The following KIF27 variants were observed in gnomAD, a reference collection of about 807,000 sequenced individuals.
KIF27 encodes the protein kinesin family member 27, also known as kinesin-like protein KIF27.
A neutral mutation model predicts 141.8 loss-of-function variants in KIF27; 84 were observed. The ratio of observed to expected loss-of-function variants is 0.59; its 90% confidence interval spans 0.50 to 0.71. The LOEUF (loss-of-function observed/expected upper bound fraction) is 0.71. Among genes scored for constraint, KIF27 ranks in the 30% least tolerant of loss-of-function variants. KIF27 has a pLI of 0.00. For missense variants in KIF27, 1,306 were observed against 1,628.4 expected (o/e 0.80, Z 3.41); for synonymous variants, 471 against 569.5 (o/e 0.83, Z 2.46).
intron 17 of KIF27, among the ~76,000 whole-genome samples, chr9:83,841,756 A>T (rs1946596584): frequency 6.6e-6 from 1 of 152,202 alleles, no homozygotes; most frequent in Non-Finnish European, 1.5e-5. Flanking sequence ...AAATCTACAT[A>T]TCTACATATG....
Position 83,842,267 on chromosome 9 carries a change from C to G in KIF27, c.3691G>C (p.Ala1231Pro). 6.4e-7 allele frequency: 1 copy of G among 1,565,094 alleles called. No homozygotes were observed. Among genetic ancestry groups the G allele is most frequent in the Non-Finnish European group, 8.6e-7 (1 of 1,163,730 alleles). ...KKKLKELVGE[A>P]IRRQLAPSEY... ...GATGGTGCTAGTTGCCGCCGAATTG[C>G]TTCCCCTACCAGTTCCTTAAGTTTC... Residue 1231 changes from alanine (A) to proline (P), a missense_variant, in exon 17 of 18, where the codon GCA becomes CCA. Transcript: ENST00000297814.
chr9:83,889,186 A>G lies in KIF27; in HGVS notation c.1877T>C (p.Met626Thr), dbSNP rs544396672. 18 of 1,613,952 alleles carry G rather than the reference A, an allele frequency of 1.1e-5. No homozygotes were observed. The South Asian group carries it at 1.8e-4, about 16-fold the overall frequency. ...TTGTTCTTCTATGTGACCCAACAGC[A>G]TCTGACTTCGTGTTCGAAATCCAGC... ...IFAGFRTRSQ[M>T]LLGHIEEQDK... The change falls in exon 7 of 18, where the codon ATG becomes ACG. Residue 626 changes from methionine (M) to threonine (T), a missense_variant. Physicochemically the swap from Met to Thr is moderately conservative, Grantham distance 81. Transcript: ENST00000297814.
chr9:83,846,869 C>T (rs1332358024), intron 16 of KIF27, among the ~76,000 whole-genome samples: 2 of 152,132 alleles, frequency 1.3e-5, no homozygotes, highest in African/African-American at 4.8e-5. Context: ...CTCCACCTAC[C>T]GTTAAGTCAG....
At chr9:83,902,205 T>A (rs1482873017) in intron 4 of KIF27, among the ~76,000 whole-genome samples, 2 of 152,156 alleles carry the variant, frequency 1.3e-5, no homozygotes, top group African/African-American at 4.8e-5. Flanking sequence ...AGCTTAGAGC[T>A]TAAAAAAAAG....
chr9:83,860,576 A>G (rs573823432), intron 13 of KIF27, among the ~76,000 whole-genome samples: 1 of 152,326 alleles, frequency 6.6e-6, no homozygotes, highest in African/African-American at 2.4e-5. Flanking sequence ...TTTTGATACA[A>G]CTTTTTATTG....
intron 5 of KIF27, among the ~76,000 whole-genome samples, chr9:83,895,691 CTG>C (rs1953141878): frequency 6.6e-6 from 1 of 151,694 alleles, no homozygotes; most frequent in African/African-American, 2.4e-5. Flanking sequence ...AGAAATGAAA[CTG>C]TTACTATTTG....
chr9:83,905,391 T>C (rs1377419245), intron 3 of KIF27, among the ~76,000 whole-genome samples: 1 of 152,196 alleles, frequency 6.6e-6, no homozygotes, highest in Non-Finnish European at 1.5e-5. Flanking sequence ...GTGCTGGGAT[T>C]ACAGGCGTGA....
chr9:83,904,576 G>A (rs984349661), intron 3 of KIF27, among the ~76,000 whole-genome samples: 1 of 152,058 alleles, frequency 6.6e-6, no homozygotes, highest in African/African-American at 2.4e-5. Context: ...TCACCACGTT[G>A]GCCAGGCTGG....
In KIF27 at chr9:83,836,933, T is replaced by C; in HGVS notation, c.*68A>G. 1 of 1,548,606 alleles carries C rather than the reference T, an allele frequency of 6.5e-7. No homozygotes were observed. The highest frequency in any genetic ancestry group is 2.2e-5 in the East Asian group (1 of 44,498). On this transcript the variant is annotated 3_prime_UTR_variant, in exon 18 of 18. Transcript: ENST00000297814. ...GAGGAAAGAGGTAGTGAACTTGAGC[T>C]TTAGTTTTTAACAGGTTAGAAAAAG...
At chr9:83,856,107 A>G (rs1400427473) in intron 14 of KIF27, among the ~76,000 whole-genome samples, 1 of 152,154 alleles carries the variant, frequency 6.6e-6, no homozygotes, top group Non-Finnish European at 1.5e-5. Context: ...GCTTTATGAT[A>G]GAGCACTGCT....
rs2131400674 is a variant in KIF27 at position 83,835,634 on chromosome 9, A to C, written c.*1367T>G. The C allele has an allele frequency of 6.6e-6, 1 of 152,288 alleles. No individual in the cohort carries two copies. Among genetic ancestry groups the C allele is most frequent in the South Asian group, 2.1e-4 (1 of 4,826 alleles). The allele number at this position is 152,288 out of a possible 1,614,324, so 9.4% of individuals were successfully genotyped here. ...GAAAGGAAGCCTTAAGTCTTTGAGC[A>C]CAGGGTGACAGTTTGGGTCCTATGT... On this transcript the variant is annotated 3_prime_UTR_variant, in exon 18 of 18. Transcript: ENST00000297814.
At position 83,834,589 on chromosome 9, in the gene KIF27, G is replaced by T. The variant is rs1945597556; in HGVS notation, c.*2412C>A. Among the ~76,000 whole-genome samples, 1 of 151,946 alleles carries T rather than the reference G, an allele frequency of 6.6e-6. No individual in the cohort carries two copies. Among genetic ancestry groups the T allele is most frequent in the Non-Finnish European group, 1.5e-5 (1 of 67,902 alleles). ...ATGTGTATTTCCACAGGTAAAACAA[G>T]TATGTGTTAATTTCTTGAGCAAGTA... On this transcript the variant is annotated 3_prime_UTR_variant, in exon 18 of 18. Coordinates refer to ENST00000297814, the MANE Select transcript of KIF27 (RefSeq NM_017576.4).
chr9:83,839,769 A>G (rs1946344933), intron 17 of KIF27, among the ~76,000 whole-genome samples: 1 of 151,996 alleles, frequency 6.6e-6, no homozygotes, highest in South Asian at 2.1e-4. Flanking sequence ...CCTGGCCGAC[A>G]TGGTCTCTAC....
chr9:83,915,491 C>T lies in KIF27; in HGVS notation c.101G>A (p.Ser34Asn), dbSNP rs773990415. ...HQVCVRVIPN[S>N]QQVIIGRDRV... ...ATCTCTCCCAATGATAACTTGCTGGCTGTTTGGAATAACTCTCACACAAAC... is the reference window on the plus strand; with the variant it reads ...ATCTCTCCCAATGATAACTTGCTGGTTGTTTGGAATAACTCTCACACAAAC... The change falls in exon 2 of 18, where the codon AGC becomes AAC. Residue 34 changes from serine to asparagine, a missense_variant. Physicochemically the swap from Ser to Asn is conservative, Grantham distance 46. This residue lies in a region of KIF27 where 533 missense variants were observed against 565.6 expected (regional missense o/e 0.94). Transcript: ENST00000297814. 5.0e-6 allele frequency: 8 copies of T among 1,613,750 alleles called. No homozygotes were observed. In the African/African-American group the frequency reaches 5.3e-5, roughly 11 times the overall value.
chr9:83,897,164 A>G (rs1158395137), intron 5 of KIF27, among the ~76,000 whole-genome samples: 3 of 152,092 alleles, frequency 2.0e-5, no homozygotes, highest in Admixed American at 6.5e-5. Flanking sequence ...ACATCTGGGG[A>G]GTGGGGAGGG....
intron 16 of KIF27, among the ~76,000 whole-genome samples, chr9:83,846,726 G>A (rs1217771755): frequency 6.6e-6 from 1 of 152,148 alleles, no homozygotes; most frequent in Non-Finnish European, 1.5e-5. Context: ...CAACATTTTT[G>A]CTTCCTGTTC....
At chr9:83,908,412 G>T in intron 3 of KIF27, 40 bp downstream of exon 3, 1 of 1,235,186 alleles carries the variant, frequency 8.1e-7, no homozygotes, top group Non-Finnish European at 1.2e-6. Flanking sequence ...AAGCATGTCT[G>T]TTTGCTAATG....
intron 12 of KIF27, among the ~76,000 whole-genome samples, chr9:83,868,764 T>C (rs374834438): frequency 6.6e-6 from 1 of 152,050 alleles, no homozygotes; most frequent in Non-Finnish European, 1.5e-5. Flanking sequence ...ACAGTGAATA[T>C]ATATGAGAAA....
At chr9:83,844,294 T>TTA (rs1213458042) in intron 16 of KIF27, among the ~76,000 whole-genome samples, 8 of 79,766 alleles carry the variant, frequency 1.0e-4, no homozygotes, top group African/African-American at 6.1e-4. Flanking sequence ...AAACTCCCCT[T>TTA]TATATATATA....
Sources: allele counts gnomAD v4.1 joint callset (sites outside exome capture counted in the v4.1 genomes callset), GRCh38; gene constraint gnomAD v4.1.1; regional missense constraint gnomAD v4.1.1; transcripts MANE v1.5; gene names NCBI Gene and HGNC (gene_info 2026-07-23, HGNC 2026-07-21).